The following CCSAP variants were observed in gnomAD, a reference collection of about 807,000 sequenced individuals.
The protein encoded by CCSAP is centriole, cilia and spindle-associated protein.
Under a neutral mutation model 25.9 loss-of-function variants are expected in CCSAP, and 17 were observed. The ratio of observed to expected loss-of-function variants is 0.66; its 90% CI spans 0.45 to 0.99. The LOEUF (loss-of-function observed/expected upper bound fraction) is 0.99. CCSAP is among the 50% of genes least tolerant of loss of function. The pLI is 0.00. For synonymous variants in CCSAP, 169 were observed against 157.1 expected (o/e 1.08, Z -0.57); for missense variants, 339 against 367.8 (o/e 0.92, Z 0.64).
In CCSAP at chr1:229,342,103, C is replaced by T; in HGVS notation, c.363G>A (p.Leu121=). The T allele has an allele frequency of 7.4e-7, 1 of 1,353,978 alleles. No individual in the cohort carries two copies. Among genetic ancestry groups the T allele is most frequent in the South Asian group, 2.1e-5 (1 of 47,692 alleles). 83.9% of individuals were successfully genotyped at this position (1,353,978 alleles called of 1,614,324 possible). ...GCTCCCCTCCGGGCCGGGTACCTGG[C>T]AGAGCCGCGTCCTCCGCGTCCTCGG... ...AEAEDAEDAA[L]PALPVKDVED... Residue 121 remains leucine, a synonymous_variant, in exon 2 of 4, where the codon CTG becomes CTA. Transcript: ENST00000284617. The surrounding 1 kb of genome is among the most constrained non-coding windows in gnomAD (Gnocchi z 7.5).
rs237796 is a variant in CCSAP, at chr1:229,321,461, A to C, written c.*3774T>G. ...AACTCCATATCCACCCTATAGTACA[A>C]AAATTCATTTCAAATGCAAACGTTG... On this transcript the variant is annotated 3_prime_UTR_variant, in exon 4 of 4. Coordinates refer to ENST00000284617, the MANE Select transcript of CCSAP (RefSeq NM_145257.5). 6.6e-6 allele frequency: 1 copy of C among 152,186 alleles called. No individual in the cohort carries two copies. The highest frequency in any genetic ancestry group is 1.5e-5 in the Non-Finnish European group (1 of 68,024). The allele number at this position is 152,186 out of a possible 1,614,324, so 9.4% of individuals were successfully genotyped here. A position where few individuals can be genotyped will look rare whatever the true frequency, so the allele number is the denominator to read the frequency against.
chr1:229,327,460 C>A (rs75541202), intron 2 of CCSAP: 3 of 453,850 alleles, frequency 6.6e-6, no homozygotes, highest in Non-Finnish European at 1.3e-5. Flanking sequence ...TTAGTCCTTC[C>A]GTGCTCCTCC....
At chr1:229,332,769 T>C (rs370964079) in intron 2 of CCSAP, among the ~76,000 whole-genome samples, 1 of 152,202 alleles carries the variant, frequency 6.6e-6, no homozygotes, top group African/African-American at 2.4e-5. Context: ...CAAGTTACAC[T>C]AGTTATCGTT....
At chr1:229,325,904 T>G (rs1035900846) in intron 3 of CCSAP, among the ~76,000 whole-genome samples, 6 of 152,270 alleles carry the variant, frequency 3.9e-5, no homozygotes, top group Non-Finnish European at 8.8e-5. Context: ...CTTAGAGATC[T>G]TTTGTTAAAC....
Position 229,324,429 on chromosome 1 carries a change from TA to T in CCSAP, c.*805del, listed in dbSNP as rs201639580. On this transcript the variant is annotated 3_prime_UTR_variant, in exon 4 of 4. Coordinates refer to ENST00000284617, the MANE Select transcript of CCSAP (RefSeq NM_145257.5). ...GACTGAATCCACAGTATGTATTCTT[TA>T]AAAAAAAAAAAAAAGGCAATAAAAA... 995 of 138,140 alleles carry T rather than the reference TA, an allele frequency of 7.2e-3. 12 individuals carry two copies. The highest frequency in any genetic ancestry group is 0.02 in the African/African-American group (755 of 37,038). 8.6% of individuals were successfully genotyped at this position (138,140 alleles called of 1,614,324 possible).
rs765651478 is a variant in CCSAP at position 229,327,867 on chromosome 1, CAAAAAAAAAA to C, written c.368-871_368-862del. On this transcript the variant is annotated intron_variant, in intron 2 of 3. Transcript: ENST00000284617. ...CTGGTGACAGAGAAAGACTCCGTCTCAAAAAAAAAAAAAAAAAAAAGAGGGCCCCAGTTTT... is the reference window on the plus strand; with the variant it reads ...CTGGTGACAGAGAAAGACTCCGTCTCAAAAAAAAAAGAGGGCCCCAGTTTT... Among the ~76,000 whole-genome samples, 12 of 91,796 alleles carry C rather than the reference CAAAAAAAAAA, an allele frequency of 1.3e-4. No individual in the cohort carries two copies. The South Asian group carries it at 2.4e-3, about 18-fold the overall frequency. 60.2% of individuals were successfully genotyped at this position (91,796 alleles called of 152,430 possible). A position where few individuals can be genotyped will look rare whatever the true frequency, so the allele number is the denominator to read the frequency against.
Position 229,340,330 on chromosome 1 carries a change from T to C in CCSAP, c.367+1769A>G, listed in dbSNP as rs550874326. 6.0e-4 allele frequency: 421 copies of C among 701,720 alleles called. 5 individuals carry two copies. In the Middle Eastern group the frequency reaches 0.024, roughly 40 times the overall value. 43.5% of individuals were successfully genotyped at this position (701,720 alleles called of 1,614,324 possible). On this transcript the variant is annotated intron_variant, in intron 2 of 3. Coordinates refer to ENST00000284617, the MANE Select transcript of CCSAP (RefSeq NM_145257.5). ...TTCCTGATGCCTAAACCAGAAACGTTAGCAGGGAAGAAATAACTGAGAGGA... is the reference window on the plus strand; with the variant it reads ...TTCCTGATGCCTAAACCAGAAACGTCAGCAGGGAAGAAATAACTGAGAGGA...
intron 3 of CCSAP, among the ~76,000 whole-genome samples, chr1:229,326,181 CAG>C (rs1657936871): frequency 6.6e-6 from 1 of 152,204 alleles, no homozygotes; most frequent in Non-Finnish European, 1.5e-5. Context: ...AAGGCTAAGT[CAG>C]GGGAGGACTA....
At chr1:229,340,498 A>G (rs1415205893) in intron 2 of CCSAP, 3 of 710,398 alleles carry the variant, frequency 4.2e-6, no homozygotes, top group Non-Finnish European at 7.8e-6. Context: ...CACAAACAAT[A>G]AAAGATCGGG....
At chr1:229,337,034 G>A (rs1658210281) in intron 2 of CCSAP, among the ~76,000 whole-genome samples, 2 of 152,128 alleles carry the variant, frequency 1.3e-5, no homozygotes, top group African/African-American at 4.8e-5. Context: ...GACTGATCCA[G>A]GAGGCACACC....
chr1:229,327,543 C>T (rs868639117), intron 2 of CCSAP: 6 of 456,104 alleles, frequency 1.3e-5, no homozygotes, highest in African/African-American at 6.0e-5. Flanking sequence ...CGCCTAGGTG[C>T]GCAGCCAGGC....
rs982068391 is a variant in CCSAP at position 229,322,347 on chromosome 1, T to C, written c.*2888A>G. ...CAAGTATAAATACCCTTCAAGTTGCTAGCAATTGATCTTCGATGAAACACA... is the reference window on the plus strand; with the variant it reads ...CAAGTATAAATACCCTTCAAGTTGCCAGCAATTGATCTTCGATGAAACACA... On this transcript the variant is annotated 3_prime_UTR_variant, in exon 4 of 4. Transcript: ENST00000284617. 3.3e-5 allele frequency: 5 copies of C among 152,212 alleles called. No homozygotes were observed. The highest frequency in any genetic ancestry group is 7.2e-5 in the African/African-American group (3 of 41,454). 9.4% of individuals were successfully genotyped at this position (152,212 alleles called of 1,614,324 possible). A position where few individuals can be genotyped will look rare whatever the true frequency, so the allele number is the denominator to read the frequency against.
intron 2 of CCSAP, among the ~76,000 whole-genome samples, chr1:229,333,296 G>A (rs769364918): frequency 2.8e-4 from 43 of 152,156 alleles, no homozygotes; most frequent in Middle Eastern, 3.4e-3. Context: ...AGCCGGGCGT[G>A]GTGTCAGGTG....
intron 2 of CCSAP, among the ~76,000 whole-genome samples, chr1:229,336,739 G>C (rs1321606648): frequency 6.6e-6 from 1 of 152,162 alleles, no homozygotes; most frequent in African/African-American, 2.4e-5. Context: ...AAAAAGGCAA[G>C]GCAGGGAATG....
intron 2 of CCSAP, among the ~76,000 whole-genome samples, chr1:229,330,447 T>C (rs886815967): frequency 6.6e-6 from 1 of 152,050 alleles, no homozygotes; most frequent in African/African-American, 2.4e-5. Flanking sequence ...CGTCATTTAA[T>C]GCACAGGCAA....
At position 229,342,070 on chromosome 1, in the gene CCSAP, C is replaced by G; in HGVS notation, c.367+29G>C. ...AGAGCAAACCGTCCCTGCGTGCAGGCCCCTCGCGCTCCCCTCCGGGCCGGG... is the reference window on the plus strand; with the variant it reads ...AGAGCAAACCGTCCCTGCGTGCAGGGCCCTCGCGCTCCCCTCCGGGCCGGG... On this transcript the variant is annotated intron_variant, in intron 2 of 3. Transcript: ENST00000284617. This position sits in a 1 kb window ranked among gnomAD's most constrained non-coding sequence, Gnocchi z 7.5. 3.8e-6 allele frequency: 5 copies of G among 1,320,166 alleles called. No individual in the cohort carries two copies. Among genetic ancestry groups the G allele is most frequent in the Non-Finnish European group, 4.8e-6 (5 of 1,037,546 alleles). The allele number at this position is 1,320,166 out of a possible 1,614,324, so 81.8% of individuals were successfully genotyped here. A position where few individuals can be genotyped will look rare whatever the true frequency, so the allele number is the denominator to read the frequency against.
intron 2 of CCSAP, among the ~76,000 whole-genome samples, chr1:229,332,904 T>A (rs980138192): frequency 2.6e-5 from 4 of 152,112 alleles, no homozygotes; most frequent in African/African-American, 9.7e-5. Context: ...TTAAACAGAA[T>A]TAATAAACTT....
intron 2 of CCSAP, among the ~76,000 whole-genome samples, chr1:229,334,449 G>T (rs1416802721): frequency 1.3e-5 from 2 of 152,080 alleles, no homozygotes; most frequent in Non-Finnish European, 2.9e-5. Context: ...TGCAGCTAAA[G>T]CAGTTATCAG....
intron 2 of CCSAP, among the ~76,000 whole-genome samples, chr1:229,337,934 CAAA>C (rs1184383659): frequency 1.3e-5 from 2 of 151,246 alleles, no homozygotes; most frequent in Non-Finnish European, 2.9e-5. Flanking sequence ...AAGCAAAAAA[CAAA>C]AACAAAATAA....
Sources: allele counts gnomAD v4.1 joint callset (sites outside exome capture counted in the v4.1 genomes callset), GRCh38; gene constraint gnomAD v4.1.1; non-coding constraint Gnocchi (gnomAD v3.1); transcripts MANE v1.5; gene names NCBI Gene and HGNC (gene_info 2026-07-23, HGNC 2026-07-21).